CCDC88C: variants seen among roughly 807,000 people sequenced by gnomAD.
CCDC88C encodes the protein protein Daple.
A neutral mutation model predicts 198.8 loss-of-function variants in CCDC88C; 131 were observed. The ratio of observed to expected loss-of-function variants is 0.66; its 90% CI spans 0.57 to 0.76. CCDC88C has a LOEUF of 0.76. CCDC88C is among the 30% of genes least tolerant of loss of function. The pLI, the probability that CCDC88C is intolerant of heterozygous loss-of-function variation, is 0.00. For synonymous variants in CCDC88C, 1,166 were observed against 1,114.7 expected (o/e 1.05, Z -0.92); for missense variants, 2,553 against 2,631.6 (o/e 0.97, Z 0.65).
At chr14:91,360,975 G>A (rs956495570) in intron 3 of CCDC88C, among the ~76,000 whole-genome samples, 1 of 151,936 alleles carries the variant, frequency 6.6e-6, no homozygotes, top group Non-Finnish European at 1.5e-5. Context: ...GAAAAAACTC[G>A]GATCTACAAA....
chr14:91,273,115 T>C lies in CCDC88C; in HGVS notation c.5597A>G (p.Lys1866Arg). 6.4e-7 allele frequency: 1 copy of C among 1,570,360 alleles called. No homozygotes were observed. The highest frequency in any genetic ancestry group is 1.7e-4 in the Middle Eastern group (1 of 5,938). Residue 1866 changes from lysine (K) to arginine (R), a missense_variant, in exon 30 of 30, where the codon AAG (lysine) becomes AGG (arginine). Physicochemically the swap from Lys to Arg is conservative, Grantham distance 26. Transcript: ENST00000389857. The surrounding 1 kb of genome is among the most constrained non-coding windows in gnomAD (Gnocchi z 5.6). ...LARERTPLVG[K>R]AGSSCQGPGP... ...TGGGCCCTGACAGGAGCTGCCAGCCTTTCCCACAAGTGGGGTCCGCTCCCG... is the reference window on the plus strand; with the variant it reads ...TGGGCCCTGACAGGAGCTGCCAGCCCTTCCCACAAGTGGGGTCCGCTCCCG...
chr14:91,410,900 A>G (rs534270248), intron 2 of CCDC88C, among the ~76,000 whole-genome samples: 2 of 152,298 alleles, frequency 1.3e-5, no homozygotes, highest in African/African-American at 4.8e-5. Context: ...GCCTCAGTAT[A>G]CATCGTGGAC....
At chr14:91,292,167 T>G (rs893025116) in intron 23 of CCDC88C, among the ~76,000 whole-genome samples, 1 of 152,178 alleles carries the variant, frequency 6.6e-6, no homozygotes, top group African/African-American at 2.4e-5. Context: ...CCAGCCACGC[T>G]CCGCTCCCAG....
chr14:91,359,513 T>G (rs1288551513), intron 4 of CCDC88C, 129 bp downstream of exon 4: 5 of 708,308 alleles, frequency 7.1e-6, no homozygotes, highest in Non-Finnish European at 1.0e-5. Flanking sequence ...CTTTAAAATC[T>G]CACCAAAACG....
intron 19 of CCDC88C, among the ~76,000 whole-genome samples, chr14:91,304,928 A>AT (rs1167483148): frequency 6.6e-6 from 1 of 152,114 alleles, no homozygotes; most frequent in Non-Finnish European, 1.5e-5. Flanking sequence ...TAAGATACAT[A>AT]TTTTCAAACT....
At chr14:91,322,512 A>C (rs1273116050) in intron 12 of CCDC88C, among the ~76,000 whole-genome samples, 1 of 152,234 alleles carries the variant, frequency 6.6e-6, no homozygotes, top group Non-Finnish European at 1.5e-5. Context: ...GGAGGGCTCC[A>C]TCCCAAATAA....
rs1379955114 is a variant in CCDC88C, at chr14:91,313,197, G to A, written c.2619C>T (p.Asp873=). 2 of 1,613,794 alleles carry A rather than the reference G, an allele frequency of 1.2e-6. No homozygotes were observed. The highest frequency in any genetic ancestry group is 2.2e-5 in the East Asian group (1 of 44,886). ...SAVEKESRAL[D]KELARCRDAA... ...CGTCCCTGCAGCGGGCCAGCTCCTT[G>A]TCCAGCGCGCGGCTCTCCTTCTCAA... Residue 873 remains aspartate (D), a synonymous_variant, in exon 15 of 30, where the codon GAC becomes GAT. Coordinates refer to ENST00000389857, the MANE Select transcript of CCDC88C (RefSeq NM_001080414.4). This position sits in a 1 kb window ranked among gnomAD's most constrained non-coding sequence, Gnocchi z 5.2.
intron 10 of CCDC88C, among the ~76,000 whole-genome samples, chr14:91,337,339 C>T (rs1893089887): frequency 1.3e-5 from 2 of 152,184 alleles, no homozygotes; most frequent in South Asian, 4.1e-4. Flanking sequence ...ACAATAATTC[C>T]TATTTTATTT....
intron 3 of CCDC88C, among the ~76,000 whole-genome samples, chr14:91,385,691 T>C (rs1251835796): frequency 6.6e-6 from 1 of 151,988 alleles, no homozygotes. Context: ...TGACCAGGTG[T>C]GGTGGCTCAC....
chr14:91,397,977 C>T (rs1381484406), intron 3 of CCDC88C, among the ~76,000 whole-genome samples: 2 of 152,234 alleles, frequency 1.3e-5, no homozygotes, highest in Admixed American at 1.3e-4. Flanking sequence ...CCTGATCTTG[C>T]TCCATGAGCC....
intron 4 of CCDC88C, among the ~76,000 whole-genome samples, chr14:91,351,224 C>T (rs1248790134): frequency 6.6e-6 from 1 of 152,156 alleles, no homozygotes; most frequent in African/African-American, 2.4e-5. Context: ...CTGGTGTGAA[C>T]CACTAACTGC....
At chr14:91,315,549 A>C (rs1892055875) in intron 14 of CCDC88C, 101 bp downstream of exon 14, 1 of 1,285,956 alleles carries the variant, frequency 7.8e-7, no homozygotes, top group South Asian at 1.4e-5. Flanking sequence ...GTAACGGATA[A>C]TCCATGCATC....
chr14:91,360,963 C>T (rs1894279318), intron 3 of CCDC88C, among the ~76,000 whole-genome samples: 1 of 151,968 alleles, frequency 6.6e-6, no homozygotes, highest in Non-Finnish European at 1.5e-5. Context: ...CTGGGCAACA[C>T]AGAAAAAACT....
At chr14:91,305,735 G>C in intron 19 of CCDC88C, 30 bp downstream of exon 19, 1 of 1,584,254 alleles carries the variant, frequency 6.3e-7, no homozygotes, top group Non-Finnish European at 8.6e-7. Context: ...CGCCAGGCTT[G>C]TGACCACTGG....
At chr14:91,393,127 A>G (rs760489181) in intron 3 of CCDC88C, among the ~76,000 whole-genome samples, 15 of 152,188 alleles carry the variant, frequency 9.9e-5, no homozygotes, top group Non-Finnish European at 1.3e-4. Context: ...TCTCAGAATC[A>G]CTGCAACCCA....
chr14:91,328,646 G>A (rs900214060), intron 10 of CCDC88C, among the ~76,000 whole-genome samples: 19 of 152,152 alleles, frequency 1.2e-4, no homozygotes, highest in African/African-American at 3.4e-4. Context: ...GGGAGCTAAC[G>A]GGCCCCGATT....
chr14:91,397,545 T>A (rs960476150), intron 3 of CCDC88C, among the ~76,000 whole-genome samples: 5 of 152,228 alleles, frequency 3.3e-5, no homozygotes, highest in Admixed American at 2.0e-4. Flanking sequence ...CCAACTCTGC[T>A]AATTACATCA....
chr14:91,343,365 T>C (rs558523784), intron 5 of CCDC88C, among the ~76,000 whole-genome samples: 15 of 152,324 alleles, frequency 9.8e-5, no homozygotes, highest in African/African-American at 3.4e-4. Flanking sequence ...GATTTGCTAA[T>C]GGTACCCTGG....
rs376289638 is a variant in CCDC88C, at chr14:91,313,242, G to A, written c.2574C>T (p.Ser858=). 2 of 1,614,006 alleles carry A rather than the reference G, an allele frequency of 1.2e-6. No individual in the cohort carries two copies. The highest frequency in any genetic ancestry group is 1.7e-6 in the Non-Finnish European group (2 of 1,179,900). ...VELKDAVLDD[S]TAKLSAVEKE... Reference sequence around the variant, plus strand: ...TCTCAACGGCGGACAGTTTGGCAGTGCTATCGTCCAAGACTGCATCCTTGA... The same window carrying A: ...TCTCAACGGCGGACAGTTTGGCAGTACTATCGTCCAAGACTGCATCCTTGA... The change falls in exon 15 of 30, where the codon AGC becomes AGT. Residue 858 remains serine, a synonymous_variant. Coordinates refer to ENST00000389857, the MANE Select transcript of CCDC88C (RefSeq NM_001080414.4). This position sits in a 1 kb window ranked among gnomAD's most constrained non-coding sequence, Gnocchi z 5.2.
Sources: gnomAD v4.1 joint callset for allele counts (sites outside exome capture counted in the v4.1 genomes callset) on GRCh38, gnomAD v4.1.1 for gene constraint, Gnocchi (gnomAD v3.1) non-coding constraint, MANE v1.5 for transcripts, NCBI Gene and HGNC (gene_info 2026-07-23, HGNC 2026-07-21) for gene names.